ABHD3: variants seen among roughly 807,000 people sequenced by gnomAD.
ABHD3 encodes phospholipase ABHD3.
Under a neutral mutation model 48.8 loss-of-function variants are expected in ABHD3, and 46 were observed. That is an observed-to-expected ratio of 0.94 (90% CI 0.74 to 1.20). The LOEUF is 1.20. Ranked by LOEUF, ABHD3 falls within the 50% of genes most tolerant of loss-of-function variation. ABHD3 has a pLI of 0.00. For synonymous variants in ABHD3, 192 were observed against 183.7 expected, an observed-to-expected ratio of 1.04 and a Z score of -0.36; for missense variants, 490 against 497.8, an observed-to-expected ratio of 0.98 and a Z score of 0.15.
intron 3 of ABHD3, among the ~76,000 whole-genome samples, chr18:21,696,737 GT>G (rs1031033413): frequency 2.0e-5 from 3 of 146,714 alleles, no homozygotes; most frequent in African/African-American, 8.0e-5. Flanking sequence ...TTTAGTTTTG[GT>G]TTTTTTTTGG....
intron 8 of ABHD3, among the ~76,000 whole-genome samples, 156 bp downstream of exon 8, chr18:21,656,701 ATATT>A (rs1357395122): frequency 2.0e-5 from 3 of 152,230 alleles, no homozygotes; most frequent in Non-Finnish European, 4.4e-5. Flanking sequence ...GTCTGTGAAA[ATATT>A]TAAGTGATTT....
chr18:21,678,789 G>A lies in ABHD3; in HGVS notation c.555+5131C>T, dbSNP rs755635874. On this transcript the variant is annotated intron_variant, in intron 4 of 8. Transcript: ENST00000289119. ...GAATATCTGAGGTTTGCTCTACTGA[G>A]ACTAGGACTGTCTGTCTCCTGCAGG... Among the ~76,000 whole-genome samples the A allele has an allele frequency of 2.6e-4, 40 of 152,110 alleles. 1 individual carries two copies. Among genetic ancestry groups the A allele is most frequent in the Non-Finnish European group, 5.0e-4 (34 of 68,032 alleles).
At chr18:21,681,359 A>G (rs975928270) in intron 4 of ABHD3, among the ~76,000 whole-genome samples, 1 of 151,578 alleles carries the variant, frequency 6.6e-6, no homozygotes, top group South Asian at 2.1e-4. Context: ...ATTACCCTAG[A>G]CTCCCTTGTC....
intron 4 of ABHD3, among the ~76,000 whole-genome samples, chr18:21,677,280 C>T (rs767520928): frequency 1.7e-4 from 26 of 152,068 alleles, no homozygotes; most frequent in African/African-American, 4.6e-4. Flanking sequence ...CTGCAAGCTC[C>T]GCCTCCTGGG....
intron 3 of ABHD3, among the ~76,000 whole-genome samples, chr18:21,695,686 G>T (rs2040354139): frequency 6.6e-6 from 1 of 152,076 alleles, no homozygotes; most frequent in African/African-American, 2.4e-5. Context: ...AGCAGCTTAG[G>T]TTCCTGACAC....
rs536569143 is a variant in ABHD3 at position 21,668,059 on chromosome 18, GGT to G, written c.556-3831_556-3830del. Among the ~76,000 whole-genome samples, 6 of 151,488 alleles carry G rather than the reference GGT, an allele frequency of 4.0e-5. 1 individual carries two copies. In the South Asian group the frequency reaches 6.3e-4, roughly 16 times the overall value. ...CTACTAAAAATACAAAAATTAGCCG[GGT>G]GTGGTGGCAGGCACGTGTAGTCCCA... is the stretch of plus-strand genomic sequence containing the variant. On this transcript the variant is annotated intron_variant, in intron 4 of 8. Coordinates refer to ENST00000289119, the MANE Select transcript of ABHD3 (RefSeq NM_138340.5).
In ABHD3 at chr18:21,683,918, A is replaced by C. The variant is rs749036048; in HGVS notation, c.555+2T>G. On this transcript the variant is annotated splice_donor_variant, in intron 4 of 8. Coordinates refer to ENST00000289119, the MANE Select transcript of ABHD3 (RefSeq NM_138340.5). LOFTEE classifies it high-confidence loss of function. ...AGACTGTTGTCATTTAAATTTACTT[A>C]CCAAGAGATTCTCCCCCGCCACTCC... is the stretch of plus-strand genomic sequence containing the variant. The C allele has an allele frequency of 2.5e-6, 4 of 1,595,134 alleles. No homozygotes were observed. The highest frequency in any genetic ancestry group is 3.4e-6 in the Non-Finnish European group (4 of 1,170,044).
chr18:21,703,630 G>C lies in ABHD3; in HGVS notation c.280C>G (p.Leu94Val). 1 of 1,614,106 alleles carries C rather than the reference G, an allele frequency of 6.2e-7. No homozygotes were observed. The highest frequency in any genetic ancestry group is 8.5e-7 in the Non-Finnish European group (1 of 1,180,008). ...TTCGAAGTGATGAAAGGTCTAAGCA[G>C]GGTCTGTCCTCGACCCTCCCAGCAC... is the stretch of plus-strand genomic sequence containing the variant. ...VWCWEGRGQT[L>V]LRPFITSKPP... The change falls in exon 2 of 9, where the codon CTG becomes GTG. Residue 94 changes from leucine (L) to valine (V), a missense_variant. Leu to Val is a conservative substitution (Grantham distance 32, BLOSUM62 1). Transcript: ENST00000289119.
At chr18:21,685,674 G>A (rs2040114293) in intron 3 of ABHD3, among the ~76,000 whole-genome samples, 1 of 151,806 alleles carries the variant, frequency 6.6e-6, no homozygotes, top group Non-Finnish European at 1.5e-5. Context: ...GACCACAGGT[G>A]CACACCAACA....
chr18:21,690,124 A>T (rs73963233), intron 3 of ABHD3, among the ~76,000 whole-genome samples: 8,890 of 149,808 alleles, frequency 0.059, 778 homozygotes, highest in African/African-American at 0.19. Flanking sequence ...AAAGAATTTA[A>T]AAAAAAAAAA....
rs75420864 is a variant in ABHD3, at chr18:21,685,077, C to T, written c.510-1112G>A. On this transcript the variant is annotated intron_variant, in intron 3 of 8. Coordinates refer to ENST00000289119, the MANE Select transcript of ABHD3 (RefSeq NM_138340.5). ...ATTTAACTTTCAGGCAGCCACAGGC[C>T]CAGATATGTATTTTTACCATCCTTA... Among the ~76,000 whole-genome samples, 1,055 of 152,240 alleles carry T rather than the reference C, an allele frequency of 6.9e-3. 1 individual carries two copies. Among genetic ancestry groups the T allele is most frequent in the Non-Finnish European group, 0.011 (738 of 67,998 alleles).
chr18:21,661,506 C>T (rs531585987), intron 5 of ABHD3, among the ~76,000 whole-genome samples: 23 of 151,886 alleles, frequency 1.5e-4, no homozygotes, highest in African/African-American at 5.3e-4. Flanking sequence ...TGGTGGGCGC[C>T]CGTAATCCTA....
At chr18:21,652,350 G>A (rs1376822922) in intron 8 of ABHD3, among the ~76,000 whole-genome samples, 1 of 149,508 alleles carries the variant, frequency 6.7e-6, no homozygotes, top group Non-Finnish European at 1.5e-5. Context: ...GAAAGGACAG[G>A]AAGAAGAAAG....
chr18:21,704,069 T>C (rs553197535), intron 1 of ABHD3, among the ~76,000 whole-genome samples: 43 of 152,292 alleles, frequency 2.8e-4, no homozygotes, highest in Middle Eastern at 3.4e-3. Flanking sequence ...TTTTTTGTAA[T>C]TGTAACGGGG....
chr18:21,671,452 C>G (rs1157542251), intron 4 of ABHD3, among the ~76,000 whole-genome samples: 1 of 152,050 alleles, frequency 6.6e-6, no homozygotes, highest in African/African-American at 2.4e-5. Context: ...GAAACTGTCT[C>G]CAGGCCTGAA....
At chr18:21,689,285 A>G (rs1172565131) in intron 3 of ABHD3, among the ~76,000 whole-genome samples, 1 of 152,146 alleles carries the variant, frequency 6.6e-6, no homozygotes. Context: ...CACAGTGCTC[A>G]TGCCTGTAAT....
At chr18:21,688,971 C>A (rs1055725882) in intron 3 of ABHD3, among the ~76,000 whole-genome samples, 1 of 152,090 alleles carries the variant, frequency 6.6e-6, no homozygotes, top group African/African-American at 2.4e-5. Flanking sequence ...GCTCTGAATT[C>A]CAGGTAAAGA....
intron 3 of ABHD3, chr18:21,701,945 A>T (rs2040522121): frequency 6.4e-6 from 1 of 156,124 alleles, no homozygotes; most frequent in Admixed American, 6.5e-5. Context: ...AGGCCCCAGA[A>T]TGTGGCATGA....
chr18:21,668,217 A>AAAAAAAAAAAAAAAG (rs1370034550), intron 4 of ABHD3, among the ~76,000 whole-genome samples: 5 of 137,680 alleles, frequency 3.6e-5, no homozygotes, highest in Admixed American at 7.4e-5. Flanking sequence ...AAAAAAAAAA[A>AAAAAAAAAAAAAAAG]AAAGAAAGAA....
Sources: allele counts gnomAD v4.1 joint callset (sites outside exome capture counted in the v4.1 genomes callset), GRCh38; gene constraint gnomAD v4.1.1; transcripts MANE v1.5; gene names NCBI Gene and HGNC (gene_info 2026-07-23, HGNC 2026-07-21).